The following PCDHGA4 variants were observed in gnomAD, a reference collection of about 807,000 sequenced individuals.
PCDHGA4 encodes protocadherin gamma subfamily A, 4.
Under a neutral mutation model 54.6 loss-of-function variants are expected in PCDHGA4, and 38 were observed. The observed-to-expected ratio is 0.70, with a 90% CI of 0.54 to 0.91. The LOEUF (loss-of-function observed/expected upper bound fraction) is 0.91. PCDHGA4 is among the 40% of genes least tolerant of loss of function. The pLI, the probability that PCDHGA4 is intolerant of heterozygous loss-of-function variation, is 0.00. For missense variants in PCDHGA4, 1,298 were observed against 1,220.9 expected (o/e 1.06, Z -0.94); for synonymous variants, 511 against 512.9 (o/e 1.00, Z 0.05).
intron 1 of PCDHGA4, chr5:141,384,303 G>A (rs1199465212): frequency 1.2e-6 from 2 of 1,613,716 alleles, no homozygotes; most frequent in East Asian, 4.5e-5. Context: ...ACCCCAGAGG[G>A]GCCTCCATTT....
rs370286425 is a variant in PCDHGA4, at chr5:141,431,234, G to A, written c.2515-63573G>A. On this transcript the variant is annotated intron_variant, in intron 1 of 3. Coordinates refer to ENST00000571252, the MANE Select transcript of PCDHGA4 (RefSeq NM_018917.4). This position sits in a 1 kb window ranked among gnomAD's most constrained non-coding sequence, Gnocchi z 4.8. ...GCGGTTCCCTCTACCCCACGCCTGGGATCCGGATATCGGGAAGAACTCTCT... is the reference window on the plus strand; with the variant it reads ...GCGGTTCCCTCTACCCCACGCCTGGAATCCGGATATCGGGAAGAACTCTCT... 13 of 1,614,052 alleles carry A rather than the reference G, an allele frequency of 8.1e-6. No individual in the cohort carries two copies. The highest frequency in any genetic ancestry group is 2.7e-5 in the African/African-American group (2 of 74,940).
In PCDHGA4 at chr5:141,477,088, C is replaced by G. The variant is rs1008530221; in HGVS notation, c.2515-17719C>G. On this transcript the variant is annotated intron_variant, in intron 1 of 3. Transcript: ENST00000571252. This position sits in a 1 kb window ranked among gnomAD's most constrained non-coding sequence, Gnocchi z 4.9. ...AACTCCATGAGATTTACATCCAGGC[C>G]AAAGACAAGGGCGCCAATCCCGAAG... The G allele has an allele frequency of 1.2e-6, 2 of 1,614,112 alleles. No individual in the cohort carries two copies. The highest frequency in any genetic ancestry group is 1.6e-4 in the Middle Eastern group (1 of 6,084).
chr5:141,475,715 C>A (rs989484033), intron 1 of PCDHGA4, among the ~76,000 whole-genome samples: 3 of 152,366 alleles, frequency 2.0e-5, no homozygotes, highest in South Asian at 4.1e-4. Context: ...AGCCTCACAG[C>A]CCCAAGGCTG....
intron 1 of PCDHGA4, chr5:141,423,907 G>C: frequency 7.9e-7 from 1 of 1,271,360 alleles, no homozygotes. Context: ...TTTCAAAGGG[G>C]CCATTCAACT....
Position 141,394,128 on chromosome 5 carries a change from G to A in PCDHGA4, c.2514+36507G>A, listed in dbSNP as rs371610257. 2.0e-5 allele frequency: 32 copies of A among 1,613,612 alleles called. No homozygotes were observed. The highest frequency in any genetic ancestry group is 4.0e-5 in the African/African-American group (3 of 74,844). ...ACCTCTGTCCACTGAAACTCAAATC[G>A]CTCTGCACGTGGCAGACATTAACGA... On this transcript the variant is annotated intron_variant, in intron 1 of 3. Transcript: ENST00000571252.
At chr5:141,377,657 C>T (rs946526132) in intron 1 of PCDHGA4, 5 of 151,160 alleles carry the variant, frequency 3.3e-5, no homozygotes, top group East Asian at 1.9e-4. Flanking sequence ...TAACTATAAA[C>T]GACAGACGTT....
rs139344941 is a variant in PCDHGA4, at chr5:141,480,950, C to T, written c.2515-13857C>T. Among the ~76,000 whole-genome samples the T allele has an allele frequency of 6.7e-3, 1,016 of 152,086 alleles. 11 individuals carry two copies. Among genetic ancestry groups the T allele is most frequent in the African/African-American group, 0.023 (953 of 41,456 alleles). On this transcript the variant is annotated intron_variant, in intron 1 of 3. Transcript: ENST00000571252. ...GTCCCAGCTACTCTAGAGGCTGAGG[C>T]GGAAGCATCAGTGAGGGAGAATCAG...
At position 141,399,851 on chromosome 5, in the gene PCDHGA4, C is replaced by G. The variant is rs971471583; in HGVS notation, c.2514+42230C>G. 7 of 1,612,832 alleles carry G rather than the reference C, an allele frequency of 4.3e-6. No individual in the cohort carries two copies. In the African/African-American group the frequency reaches 6.7e-5, roughly 15 times the overall value. Reference sequence around the variant, plus strand: ...GGCTCTGCGCTCTTCGATATGGTGCCGCGCGCTGCAGAGCCCGGCTACCTG... The same window carrying G: ...GGCTCTGCGCTCTTCGATATGGTGCGGCGCGCTGCAGAGCCCGGCTACCTG... On this transcript the variant is annotated intron_variant, in intron 1 of 3. Coordinates refer to ENST00000571252, the MANE Select transcript of PCDHGA4 (RefSeq NM_018917.4).
At chr5:141,373,775 C>A in intron 1 of PCDHGA4, 1 of 265,272 alleles carries the variant, frequency 3.8e-6, no homozygotes, top group Non-Finnish European at 7.0e-6. Flanking sequence ...GTCATCTCTG[C>A]AGATTTAGCA....
chr5:141,410,849 C>CTTTTTTTTTTTT lies in PCDHGA4; in HGVS notation c.2514+53239_2514+53250dup. The CTTTTTTTTTTTT allele has an allele frequency of 2.7e-3, 375 of 138,154 alleles. 24 individuals are homozygous for CTTTTTTTTTTTT. The highest frequency in any genetic ancestry group is 6.9e-3 in the African/African-American group (114 of 16,622). 8.6% of individuals were successfully genotyped at this position (138,154 alleles called of 1,614,324 possible). ...CAGACTGAAGATATTTTGTCTTTGTCTTTTTTTTTTTTTTTTTTTTTTGAG... is the reference window on the plus strand; with the variant it reads ...CAGACTGAAGATATTTTGTCTTTGTCTTTTTTTTTTTTTTTTTTTTTTTTTTTTTTTTTTGAG... On this transcript the variant is annotated intron_variant, in intron 1 of 3. Coordinates refer to ENST00000571252, the MANE Select transcript of PCDHGA4 (RefSeq NM_018917.4).
chr5:141,450,278 G>C (rs977381598), intron 1 of PCDHGA4, among the ~76,000 whole-genome samples: 1 of 152,026 alleles, frequency 6.6e-6, no homozygotes, highest in African/African-American at 2.4e-5. Flanking sequence ...TCAGCTAAGT[G>C]CTGGGATTAC....
intron 1 of PCDHGA4, chr5:141,433,359 CT>C: frequency 8.7e-6 from 2 of 228,708 alleles, no homozygotes; most frequent in Non-Finnish European, 1.6e-5. Context: ...TACTGTCTGC[CT>C]ATCTATCTAT....
intron 1 of PCDHGA4, chr5:141,430,959 T>A: frequency 6.2e-7 from 1 of 1,612,026 alleles, no homozygotes; most frequent in Non-Finnish European, 8.5e-7. Flanking sequence ...GTCCGCATCA[T>A]CCCCAGAGGT....
At chr5:141,358,935 T>A (rs550902400) in intron 1 of PCDHGA4, among the ~76,000 whole-genome samples, 2 of 152,358 alleles carry the variant, frequency 1.3e-5, no homozygotes, top group Admixed American at 1.3e-4. Flanking sequence ...TATACAACAC[T>A]TTTGTTCTTT....
rs2099884522 is a variant in PCDHGA4, at chr5:141,512,941, T to C, written c.*1768T>C. On this transcript the variant is annotated 3_prime_UTR_variant, in exon 4 of 4. Transcript: ENST00000571252. ...CTAATATTTATATGGCTTTTTTTCT[T>C]CGACAAAAAAATAATAAAACGTTTC... The C allele has an allele frequency of 6.6e-6, 1 of 151,892 alleles. No individual in the cohort carries two copies. The highest frequency in any genetic ancestry group is 6.6e-5 in the Admixed American group (1 of 15,236). The allele number at this position is 151,892 out of a possible 1,614,324, so 9.4% of individuals were successfully genotyped here.
At chr5:141,430,874 C>A in intron 1 of PCDHGA4, 2 of 1,598,990 alleles carry the variant, frequency 1.3e-6, no homozygotes, top group East Asian at 4.5e-5. Context: ...TCCGGAAGAG[C>A]TGGAGAAAGG....
chr5:141,487,695 C>T lies in PCDHGA4; in HGVS notation c.2515-7112C>T, dbSNP rs1345224043. The stretch of plus-strand genomic sequence containing the variant: ...TGGCTAGGCCATGTCCTAGAGAGTA[C>T]TGGCCTCTCAGTAAGTGCCCATAGT... On this transcript the variant is annotated intron_variant, in intron 1 of 3. Coordinates refer to ENST00000571252, the MANE Select transcript of PCDHGA4 (RefSeq NM_018917.4). The surrounding 1 kb of genome is among the most constrained non-coding windows in gnomAD (Gnocchi z 5.0). 2 of 1,601,306 alleles carry T rather than the reference C, an allele frequency of 1.2e-6. No individual in the cohort carries two copies. Among genetic ancestry groups the T allele is most frequent in the East Asian group, 2.2e-5 (1 of 44,606 alleles).
chr5:141,462,070 G>C lies in PCDHGA4; in HGVS notation c.2515-32737G>C, dbSNP rs572217894. Among the ~76,000 whole-genome samples, 18 of 152,196 alleles carry C rather than the reference G, an allele frequency of 1.2e-4. No individual in the cohort carries two copies. In the South Asian group the frequency reaches 3.7e-3, roughly 32 times the overall value. On this transcript the variant is annotated intron_variant, in intron 1 of 3. Coordinates refer to ENST00000571252, the MANE Select transcript of PCDHGA4 (RefSeq NM_018917.4). ...ACTCCCGACCTCAGGTGATCTGCCC[G>C]CCTTGGCCTCCCAAAATGCTGGGAT...
intron 1 of PCDHGA4, chr5:141,426,887 G>C (rs1309180455): frequency 6.6e-6 from 3 of 456,646 alleles, no homozygotes; most frequent in South Asian, 4.6e-5. Context: ...TGGGCCAGGA[G>C]CAACAGAGCT....
Sources: allele counts gnomAD v4.1 joint callset (sites outside exome capture counted in the v4.1 genomes callset), GRCh38; gene constraint gnomAD v4.1.1; non-coding constraint Gnocchi (gnomAD v3.1); transcripts MANE v1.5; gene names NCBI Gene and HGNC (gene_info 2026-07-23, HGNC 2026-07-21).